The following CFAP61 variants were observed in gnomAD, a reference collection of about 807,000 sequenced individuals.
The protein encoded by CFAP61 is cilia and flagella associated protein 61.
In CFAP61, 107 loss-of-function variants were observed where a neutral mutation model predicts 135.6. That is an observed-to-expected ratio of 0.79 (90% CI 0.67 to 0.93). CFAP61 has a LOEUF of 0.93. Among genes scored for constraint, CFAP61 ranks in the 40% least tolerant of loss-of-function variants. The pLI is 0.00. For missense variants in CFAP61, 1,507 were observed against 1,556.2 expected (o/e 0.97, Z 0.53); for synonymous variants, 575 against 578.5 (o/e 0.99, Z 0.09).
chr20:20,078,037 G>T (rs769856383), intron 6 of CFAP61, among the ~76,000 whole-genome samples: 6 of 152,210 alleles, frequency 3.9e-5, no homozygotes, highest in Non-Finnish European at 7.3e-5. Flanking sequence ...GTATGTCAAA[G>T]AAATATATTT....
chr20:20,069,693 G>T, intron 2 of CFAP61: 1 of 453,560 alleles, frequency 2.2e-6, no homozygotes, highest in Non-Finnish European at 4.4e-6. Flanking sequence ...TCAATGGAAG[G>T]TGGGATTAAA....
chr20:20,053,715 A>G lies in CFAP61; in HGVS notation c.-37+1124A>G, dbSNP rs549825997. On this transcript the variant is annotated intron_variant, in intron 1 of 26. Coordinates refer to ENST00000245957, the MANE Select transcript of CFAP61 (RefSeq NM_015585.4). ...TTTGCCATAACTCTTTATTAACCAT[A>G]TTATTTAGATATTTTATCTCACTTT... 1.8e-4 allele frequency among the ~76,000 whole-genome samples: 27 copies of G among 152,362 alleles called. No homozygotes were observed. The South Asian group carries it at 5.2e-3, about 29-fold the overall frequency.
In CFAP61 at chr20:20,196,602, T is replaced by C; in HGVS notation, c.1623T>C (p.Ile541=). 2.5e-6 allele frequency: 4 copies of C among 1,614,110 alleles called. No individual in the cohort carries two copies. Among genetic ancestry groups the C allele is most frequent in the Non-Finnish European group, 3.4e-6 (4 of 1,179,980 alleles). The change falls in exon 16 of 27, where the codon ATT becomes ATC. Residue 541 remains isoleucine, a synonymous_variant. Coordinates refer to ENST00000245957, the MANE Select transcript of CFAP61 (RefSeq NM_015585.4). ...DIEYIRSHYN[I]EDFIYFSHHQ... is the part of the protein sequence containing the mutation. ...AGTACATACGGTCCCATTACAACAT[T>C]GAAGATTTCATCTACTTCAGTCACC...
At position 20,298,227 on chromosome 20, in the gene CFAP61, G is replaced by T. The variant is rs760689597; in HGVS notation, c.3263G>T (p.Arg1088Leu). Residue 1088 changes from arginine to leucine, a missense_variant, in exon 25 of 27, where the codon CGA becomes CTA. By Grantham distance (102) the Arg-to-Leu change is moderately radical. Transcript: ENST00000245957. ...TGSAKNGTYF[R>L]IHINKYKMVE... ...AGTGCGAAAAATGGGACTTACTTCC[G>T]AATTCATATTAACAAGTATAAAATG... is the stretch of plus-strand genomic sequence containing the variant. The T allele has an allele frequency of 1.2e-6, 2 of 1,614,072 alleles. No individual in the cohort carries two copies. Among genetic ancestry groups the T allele is most frequent in the Admixed American group, 1.7e-5 (1 of 60,016 alleles).
In CFAP61 at chr20:20,360,404, C is replaced by T. The variant is rs148140719; in HGVS notation, c.3708C>T (p.Ile1236=). The T allele has an allele frequency of 3.3e-5, 54 of 1,613,510 alleles. No homozygotes were observed. The African/African-American group carries it at 6.9e-4, about 21-fold the overall frequency. ...TGCCCATGTACGCGTGGCCAGGCAT[C>T]GTTTAGTTGTAGGCAGGGTCTCCCC... ...YHLPMYAWPG[I]V The change falls in exon 27 of 27, where the codon ATC becomes ATT. Residue 1236 remains isoleucine (I), a synonymous_variant. Transcript: ENST00000245957.
intron 13 of CFAP61, among the ~76,000 whole-genome samples, chr20:20,177,741 G>A (rs2146842155): frequency 6.6e-6 from 1 of 151,120 alleles, no homozygotes; most frequent in Non-Finnish European, 1.5e-5. Flanking sequence ...CAGTATATAG[G>A]CACTAAGGGC....
At chr20:20,345,919 G>A (rs2058613373) in intron 26 of CFAP61, among the ~76,000 whole-genome samples, 1 of 107,504 alleles carries the variant, frequency 9.3e-6, no homozygotes, top group African/African-American at 3.2e-5. Context: ...TTTTGAGACG[G>A]AGTCTCGCTC....
At chr20:20,178,246 G>A (rs907034926) in intron 13 of CFAP61, among the ~76,000 whole-genome samples, 1 of 152,144 alleles carries the variant, frequency 6.6e-6, no homozygotes, top group Admixed American at 6.5e-5. Context: ...TAATGTTTAT[G>A]TTAACTTGCA....
chr20:20,180,080 A>G (rs2054938282), intron 13 of CFAP61, among the ~76,000 whole-genome samples: 1 of 152,230 alleles, frequency 6.6e-6, no homozygotes. Flanking sequence ...GAGTGAACAG[A>G]CAACCTATAG....
chr20:20,308,874 T>A (rs1023130920), intron 25 of CFAP61, among the ~76,000 whole-genome samples: 7 of 152,236 alleles, frequency 4.6e-5, no homozygotes, highest in African/African-American at 1.7e-4. Context: ...AGGTTATTAC[T>A]TATGAGTTTA....
intron 3 of CFAP61, among the ~76,000 whole-genome samples, chr20:20,071,525 T>G (rs2045704856): frequency 6.6e-6 from 1 of 152,198 alleles, no homozygotes; most frequent in Non-Finnish European, 1.5e-5. Context: ...GAGTCTGGCC[T>G]GGGTACCTGA....
chr20:20,110,785 C>A (rs2048748763), intron 8 of CFAP61, among the ~76,000 whole-genome samples: 1 of 152,182 alleles, frequency 6.6e-6, no homozygotes, highest in Non-Finnish European at 1.5e-5. Context: ...GAGGCCCATA[C>A]TCACACTTGA....
chr20:20,324,018 T>A (rs549918530), intron 25 of CFAP61, among the ~76,000 whole-genome samples: 1 of 152,334 alleles, frequency 6.6e-6, no homozygotes, highest in East Asian at 1.9e-4. Flanking sequence ...CTTAACTTTT[T>A]GTTTTCATAA....
chr20:20,159,289 C>G, intron 9 of CFAP61, 81 bp from the exon 10 acceptor site: 1 of 1,277,636 alleles, frequency 7.8e-7, no homozygotes, highest in Non-Finnish European at 1.1e-6. Context: ...GGTCTGAACC[C>G]TGGCAGTTTG....
At chr20:20,076,115 C>T (rs546284138) in intron 6 of CFAP61, among the ~76,000 whole-genome samples, 4 of 152,286 alleles carry the variant, frequency 2.6e-5, no homozygotes, top group African/African-American at 9.6e-5. Context: ...CTACTTTCCA[C>T]CCCGCAGGCT....
chr20:20,301,589 T>A (rs926963005), intron 25 of CFAP61, among the ~76,000 whole-genome samples: 1 of 152,204 alleles, frequency 6.6e-6, no homozygotes, highest in Non-Finnish European at 1.5e-5. Flanking sequence ...AAAGGTATCC[T>A]CCTAGGGCTT....
At chr20:20,313,018 T>C (rs563976174) in intron 25 of CFAP61, among the ~76,000 whole-genome samples, 1 of 152,360 alleles carries the variant, frequency 6.6e-6, no homozygotes, top group South Asian at 2.1e-4. Flanking sequence ...GCCCCAATGC[T>C]GTGGACTGAA....
chr20:20,185,406 G>C (rs1454887477), intron 13 of CFAP61, among the ~76,000 whole-genome samples: 2 of 152,074 alleles, frequency 1.3e-5, no homozygotes, highest in African/African-American at 4.8e-5. Flanking sequence ...GGCTGGACTA[G>C]CACTGGAGGT....
At chr20:20,240,708 C>T (rs1056337746) in intron 18 of CFAP61, among the ~76,000 whole-genome samples, 7 of 152,162 alleles carry the variant, frequency 4.6e-5, no homozygotes, top group Non-Finnish European at 1.5e-5. Flanking sequence ...TGACAAAACC[C>T]TGGGGACTGT....
Sources: allele counts gnomAD v4.1 joint callset (sites outside exome capture counted in the v4.1 genomes callset), GRCh38; gene constraint gnomAD v4.1.1; transcripts MANE v1.5; gene names NCBI Gene and HGNC (gene_info 2026-07-23, HGNC 2026-07-21).